LOC400499: variants seen among roughly 807,000 people sequenced by gnomAD.
At chr16:11,412,741 A>G in the LOC400499 span, 1 of 397,044 alleles carries the variant, frequency 2.5e-6, no homozygotes, top group Non-Finnish European at 4.4e-6. Flanking sequence ...AGCAGTGCTG[A>G]GCAGAGAATT....
At chr16:11,440,111 G>C in the LOC400499 span, among the ~76,000 whole-genome samples, 2 of 152,030 alleles carry the variant, frequency 1.3e-5, no homozygotes, top group Non-Finnish European at 2.9e-5. Context: ...TCAGAGATGG[G>C]AACAGAGATG....
the LOC400499 span, among the ~76,000 whole-genome samples, chr16:11,494,213 T>C: frequency 1.4e-5 from 2 of 144,692 alleles, no homozygotes; most frequent in South Asian, 4.4e-4. Flanking sequence ...GAAGGGCATT[T>C]ACCCACCTTC....
chr16:11,393,332 T>A, the LOC400499 span: 1 of 1,218,156 alleles, frequency 8.2e-7, no homozygotes, highest in Non-Finnish European at 1.0e-6. Context: ...CCCCGTCCTT[T>A]CTTGAGCCAA....
the LOC400499 span, among the ~76,000 whole-genome samples, chr16:11,404,115 G>C: frequency 6.6e-6 from 1 of 152,122 alleles, no homozygotes; most frequent in Admixed American, 6.6e-5. Flanking sequence ...CAGTTCAGAA[G>C]TCACCTCCTC....
the LOC400499 span, chr16:11,460,328 G>C: frequency 1.9e-6 from 2 of 1,059,688 alleles, no homozygotes; most frequent in African/African-American, 3.2e-5. Flanking sequence ...ATAAGACTGA[G>C]ACTGAAGTTC....
the LOC400499 span, among the ~76,000 whole-genome samples, chr16:11,409,536 T>C: frequency 1.3e-5 from 2 of 152,246 alleles, no homozygotes; most frequent in Admixed American, 6.5e-5. Flanking sequence ...TAAAAGTTTG[T>C]AGACCTCTGT....
the LOC400499 span, chr16:11,478,105 G>C: frequency 7.6e-6 from 3 of 395,300 alleles, no homozygotes; most frequent in Non-Finnish European, 1.3e-5. Flanking sequence ...TTGAGCCCAA[G>C]AGTTTGAGAC....
At chr16:11,417,165 T>C in the LOC400499 span, among the ~76,000 whole-genome samples, 1 of 151,856 alleles carries the variant, frequency 6.6e-6, no homozygotes, top group South Asian at 2.1e-4. Context: ...AAATAAGGTA[T>C]TCACAGATGT....
chr16:11,409,056 TTC>T, the LOC400499 span, among the ~76,000 whole-genome samples: 32 of 150,946 alleles, frequency 2.1e-4, no homozygotes, highest in East Asian at 6.3e-3. Flanking sequence ...AGGTCAGGAG[TTC>T]AAGACCAGCC....
At chr16:11,479,496 G>A in the LOC400499 span, among the ~76,000 whole-genome samples, 5 of 150,454 alleles carry the variant, frequency 3.3e-5, no homozygotes, top group Admixed American at 6.6e-5. Context: ...GGTGGCACCC[G>A]CCTGTAGTTC....
the LOC400499 span, chr16:11,478,426 G>C: frequency 2.5e-6 from 1 of 398,022 alleles, no homozygotes; most frequent in Non-Finnish European, 4.4e-6. Flanking sequence ...AAACGGAAGA[G>C]CTGGGATTGG....
the LOC400499 span, chr16:11,447,831 A>T: frequency 7.1e-7 from 1 of 1,400,298 alleles, no homozygotes; most frequent in South Asian, 1.5e-5. Context: ...GTCAGCAGAG[A>T]TTCTCCAGGT....
the LOC400499 span, chr16:11,431,112 C>T: frequency 3.0e-5 from 12 of 399,048 alleles, no homozygotes; most frequent in East Asian, 7.1e-5. Context: ...AGCCAGCCAC[C>T]GTGTGCCGGG....
chr16:11,390,020 T>G, the LOC400499 span: 3 of 869,684 alleles, frequency 3.4e-6, no homozygotes, highest in South Asian at 1.8e-4. Context: ...CAGGAGTCAG[T>G]GTGTCGGAAG....
the LOC400499 span, among the ~76,000 whole-genome samples, chr16:11,465,748 G>T: frequency 6.8e-6 from 1 of 147,232 alleles, no homozygotes; most frequent in Non-Finnish European, 1.5e-5. Context: ...ATAAGACCTT[G>T]TAAAAGAAAG....
At chr16:11,477,123 C>A in the LOC400499 span, among the ~76,000 whole-genome samples, 1 of 152,256 alleles carries the variant, frequency 6.6e-6, no homozygotes, top group African/African-American at 2.4e-5. Flanking sequence ...CTGCACTAAT[C>A]CCTTTTATGG....
At chr16:11,463,868 T>C in the LOC400499 span, among the ~76,000 whole-genome samples, 1 of 152,172 alleles carries the variant, frequency 6.6e-6, no homozygotes, top group Admixed American at 6.5e-5. Context: ...GATGCATATA[T>C]ACGGATGCGT....
At chr16:11,384,116 T>C in the LOC400499 span, 1 of 1,222,356 alleles carries the variant, frequency 8.2e-7, no homozygotes, top group Non-Finnish European at 1.0e-6. Context: ...TACGAAGTCC[T>C]CTGCAGAGCC....
chr16:11,391,925 C>T, the LOC400499 span: 1 of 862,266 alleles, frequency 1.2e-6, no homozygotes, highest in Non-Finnish European at 1.5e-6. Flanking sequence ...CCAGACCCTC[C>T]TGCCTGGTGA....
Sources: gnomAD v4.1 joint callset for allele counts (sites outside exome capture counted in the v4.1 genomes callset) on GRCh38, gnomAD v4.1.1 for gene constraint, MANE v1.5 for transcripts.